The following ADAM22 variants were observed in gnomAD, a reference collection of about 807,000 sequenced individuals.
ADAM22 encodes disintegrin and metalloproteinase domain-containing protein 22.
In ADAM22, 65 loss-of-function variants were observed where a neutral mutation model predicts 144.6. The observed-to-expected ratio is 0.45, with a 90% CI of 0.37 to 0.55. The LOEUF (loss-of-function observed/expected upper bound fraction) is 0.55. Ranked by LOEUF, ADAM22 falls within the 20% of genes least tolerant of loss-of-function variation. The pLI, the probability that ADAM22 is intolerant of heterozygous loss-of-function variation, is 0.00. For missense variants in ADAM22, 974 were observed against 1,184.9 expected, an observed-to-expected ratio of 0.82 and a Z score of 2.61; for synonymous variants, 391 against 412.6, an observed-to-expected ratio of 0.95 and a Z score of 0.63.
At chr7:87,965,307 T>A (rs1158768307) in intron 2 of ADAM22, among the ~76,000 whole-genome samples, 2 of 152,224 alleles carry the variant, frequency 1.3e-5, no homozygotes, top group Non-Finnish European at 2.9e-5. Context: ...TCTTCTTTTT[T>A]AGCAGGTACT....
chr7:87,937,632 A>T lies in ADAM22; in HGVS notation c.246+2446A>T, dbSNP rs145501312. On this transcript the variant is annotated intron_variant, in intron 2 of 31. Transcript: ENST00000413139. ...CTTTTCTCCCCATTTATGGAGCACC[A>T]CTTGTGCAGTTTTTTGATTCACAGG... Among the ~76,000 whole-genome samples, 3 of 152,270 alleles carry T rather than the reference A, an allele frequency of 2.0e-5. No homozygotes were observed. The East Asian group carries it at 5.8e-4, about 29-fold the overall frequency.
chr7:88,193,323 T>C, intron 31 of ADAM22, 84 bp downstream of exon 31: 1 of 1,431,886 alleles, frequency 7.0e-7, no homozygotes, highest in Non-Finnish European at 9.4e-7. Flanking sequence ...AGAGAACCAT[T>C]TTTCCTCCCT....
chr7:88,193,050 C>A, intron 30 of ADAM22, 66 bp from the exon 31 acceptor site: 7 of 1,594,398 alleles, frequency 4.4e-6, no homozygotes, highest in South Asian at 1.1e-5. Context: ...TCTGAACACA[C>A]TTTTCAGATA....
At chr7:88,017,317 G>T (rs964717096) in intron 3 of ADAM22, among the ~76,000 whole-genome samples, 2 of 152,048 alleles carry the variant, frequency 1.3e-5, no homozygotes, top group African/African-American at 4.8e-5. Flanking sequence ...TAAGGTGATG[G>T]ATATGTTAAT....
chr7:88,130,732 G>T (rs764462947), intron 10 of ADAM22, among the ~76,000 whole-genome samples: 2 of 152,118 alleles, frequency 1.3e-5, no homozygotes, highest in Non-Finnish European at 2.9e-5. Flanking sequence ...CCCTAACAAA[G>T]GTATTCACAG....
At position 88,033,901 on chromosome 7, in the gene ADAM22, G is replaced by C. The variant is rs114657673; in HGVS notation, c.324-41725G>C. Among the ~76,000 whole-genome samples, 819 of 152,198 alleles carry C rather than the reference G, an allele frequency of 5.4e-3. 11 individuals are homozygous for C. Among genetic ancestry groups the C allele is most frequent in the African/African-American group, 0.019 (785 of 41,492 alleles). On this transcript the variant is annotated intron_variant, in intron 3 of 31. Transcript: ENST00000413139. ...GGCCCAGGGGCTCTTCAGTCAGTTTGTAGTGAATGCTTCTAGGCCTGGAGC... is the reference window on the plus strand; with the variant it reads ...GGCCCAGGGGCTCTTCAGTCAGTTTCTAGTGAATGCTTCTAGGCCTGGAGC...
intron 2 of ADAM22, among the ~76,000 whole-genome samples, chr7:87,949,198 C>T (rs1020663139): frequency 5.3e-5 from 8 of 152,134 alleles, no homozygotes; most frequent in Non-Finnish European, 1.0e-4. Context: ...TGGCCGGGCT[C>T]TCAAGGTGAG....
intron 4 of ADAM22, among the ~76,000 whole-genome samples, chr7:88,099,857 A>G (rs1822438468): frequency 6.6e-6 from 1 of 152,114 alleles, no homozygotes; most frequent in Non-Finnish European, 1.5e-5. Context: ...CATTTCTTCT[A>G]TTTTGCCATA....
intron 27 of ADAM22, among the ~76,000 whole-genome samples, chr7:88,180,456 C>T (rs1407356119): frequency 6.6e-6 from 1 of 151,974 alleles, no homozygotes; most frequent in Non-Finnish European, 1.5e-5. Flanking sequence ...GAAATTCCAA[C>T]CTAGGGAATT....
intron 4 of ADAM22, among the ~76,000 whole-genome samples, chr7:88,082,186 A>G (rs1816904545): frequency 6.6e-6 from 1 of 152,166 alleles, no homozygotes; most frequent in Admixed American, 6.5e-5. Context: ...AACGCCGCAT[A>G]TCTACAACTA....
rs1159149472 is a variant in ADAM22 at position 88,061,113 on chromosome 7, AAG to A, written c.324-14510_324-14509del. Among the ~76,000 whole-genome samples the A allele has an allele frequency of 5.3e-5, 8 of 152,184 alleles. No homozygotes were observed. The South Asian group carries it at 1.0e-3, about 20-fold the overall frequency. On this transcript the variant is annotated intron_variant, in intron 3 of 31. Transcript: ENST00000413139. ...AGCAAGACTCTGTCTCAAAAAAAAA[AAG>A]AGTCCTCCTCCATCCAGATTTGATC...
At chr7:88,120,589 T>A (rs914335886) in intron 7 of ADAM22, among the ~76,000 whole-genome samples, 1 of 152,258 alleles carries the variant, frequency 6.6e-6, no homozygotes, top group African/African-American at 2.4e-5. Context: ...TGATTAATGA[T>A]GTGTAGTATA....
At chr7:88,031,117 AAAAC>A (rs140722951) in intron 3 of ADAM22, among the ~76,000 whole-genome samples, 64,373 of 151,274 alleles carry the variant, frequency 0.43, 14,329 homozygotes, top group East Asian at 0.59. Flanking sequence ...CTCCGTCTCA[AAAAC>A]AAACAAACAA....
At chr7:88,039,767 A>G (rs938775938) in intron 3 of ADAM22, among the ~76,000 whole-genome samples, 2 of 151,726 alleles carry the variant, frequency 1.3e-5, no homozygotes, top group Admixed American at 6.6e-5. Context: ...TCTACTGAAT[A>G]TACTCTCGCC....
At chr7:88,167,999 A>AT (rs1445380268) in intron 24 of ADAM22, 138 bp from the exon 25 acceptor site, 6 of 710,890 alleles carry the variant, frequency 8.4e-6, no homozygotes, top group East Asian at 8.3e-5. Context: ...ATTATGGTTG[A>AT]TTTTTTCTTT....
At position 87,941,633 on chromosome 7, in the gene ADAM22, C is replaced by A. The variant is rs903040472; in HGVS notation, c.246+6447C>A. Reference sequence around the variant, plus strand: ...CAATGAATTTTTATTCTCCTACCAACCATCTTCTTTTCCAATTAAATTGTA... The same window carrying A: ...CAATGAATTTTTATTCTCCTACCAAACATCTTCTTTTCCAATTAAATTGTA... On this transcript the variant is annotated intron_variant, in intron 2 of 31. Transcript: ENST00000413139. Among the ~76,000 whole-genome samples, 11 of 152,234 alleles carry A rather than the reference C, an allele frequency of 7.2e-5. 1 individual carries two copies. In the Middle Eastern group the frequency reaches 0.01, roughly 141 times the overall value.
intron 31 of ADAM22, among the ~76,000 whole-genome samples, chr7:88,196,035 G>T (rs1159365737): frequency 2.0e-5 from 3 of 152,192 alleles, no homozygotes; most frequent in African/African-American, 7.2e-5. Flanking sequence ...TGGTGCCTGG[G>T]AAGTGGAATT....
intron 3 of ADAM22, among the ~76,000 whole-genome samples, chr7:88,016,508 C>T (rs1309626160): frequency 6.6e-6 from 1 of 152,086 alleles, no homozygotes; most frequent in Non-Finnish European, 1.5e-5. Context: ...TTAATGCGTA[C>T]CTTATAATTT....
chr7:88,152,619 GTA>G (rs933522635), intron 20 of ADAM22, among the ~76,000 whole-genome samples: 28 of 152,230 alleles, frequency 1.8e-4, no homozygotes, highest in African/African-American at 6.5e-4. Context: ...AAAGAATAGA[GTA>G]TATATTCAAG....
Sources: gnomAD v4.1 joint callset for allele counts (sites outside exome capture counted in the v4.1 genomes callset) on GRCh38, gnomAD v4.1.1 for gene constraint, MANE v1.5 for transcripts, NCBI Gene and HGNC (gene_info 2026-07-23, HGNC 2026-07-21) for gene names.